The following L3MBTL3 variants were observed in gnomAD, a reference collection of about 807,000 sequenced individuals.
L3MBTL3 encodes L3MBTL histone methyl-lysine binding protein 3, also known as lethal(3)malignant brain tumor-like protein 3.
In L3MBTL3, 27 loss-of-function variants were observed where a neutral mutation model predicts 102.3. The observed-to-expected ratio is 0.26, with a 90% confidence interval of 0.19 to 0.36. The LOEUF (loss-of-function observed/expected upper bound fraction) is 0.36, where lower values mean the gene tolerates loss of function less well. L3MBTL3 is among the 10% of genes least tolerant of loss of function. L3MBTL3 has a pLI of 1.00. For missense variants in L3MBTL3, 798 were observed against 955.3 expected, an observed-to-expected ratio of 0.84 and a Z score of 2.17; for synonymous variants, 340 against 320.9, an observed-to-expected ratio of 1.06 and a Z score of -0.64.
chr6:130,034,156 A>G (rs1779900686), intron 2 of L3MBTL3, among the ~76,000 whole-genome samples: 1 of 151,918 alleles, frequency 6.6e-6, no homozygotes, highest in Non-Finnish European at 1.5e-5. Context: ...TGTTTTATCC[A>G]CTCCTGGCAG....
chr6:130,131,887 G>A (rs912449875), intron 20 of L3MBTL3, among the ~76,000 whole-genome samples: 11 of 152,164 alleles, frequency 7.2e-5, no homozygotes, highest in Non-Finnish European at 1.3e-4. Flanking sequence ...TATCAGCAAG[G>A]TCTTTATGAC....
At chr6:130,101,494 G>A (rs922465867) in intron 18 of L3MBTL3, among the ~76,000 whole-genome samples, 3 of 152,154 alleles carry the variant, frequency 2.0e-5, no homozygotes, top group African/African-American at 7.2e-5. Context: ...ATTGTGGGCA[G>A]GAATCCCACA....
chr6:130,045,697 G>T (rs1780685176), intron 3 of L3MBTL3, among the ~76,000 whole-genome samples: 1 of 152,074 alleles, frequency 6.6e-6, no homozygotes, highest in African/African-American at 2.4e-5. Flanking sequence ...ATTTAGAGGA[G>T]GTAAAAATTT....
chr6:130,122,329 TAGTC>T (rs1786281535), intron 20 of L3MBTL3, among the ~76,000 whole-genome samples: 2 of 152,220 alleles, frequency 1.3e-5, no homozygotes, highest in Admixed American at 6.5e-5. Flanking sequence ...TTAAAAGTTA[TAGTC>T]AGTGCTGTCT....
intron 20 of L3MBTL3, among the ~76,000 whole-genome samples, chr6:130,124,191 T>A (rs775463119): frequency 1.3e-5 from 2 of 152,114 alleles, no homozygotes; most frequent in African/African-American, 2.4e-5. Context: ...GGATGTTTGC[T>A]GGGAGGGGCA....
chr6:130,035,635 G>C (rs548402728), intron 2 of L3MBTL3, among the ~76,000 whole-genome samples: 2 of 152,228 alleles, frequency 1.3e-5, no homozygotes, highest in African/African-American at 2.4e-5. Flanking sequence ...GACATCCACA[G>C]TGGGCAGTGG....
chr6:130,028,314 C>A (rs1779485783), intron 2 of L3MBTL3, among the ~76,000 whole-genome samples: 1 of 152,134 alleles, frequency 6.6e-6, no homozygotes, highest in Non-Finnish European at 1.5e-5. Context: ...GGATCATTCA[C>A]ATTAAAATAT....
chr6:130,054,823 G>T (rs939263139), intron 7 of L3MBTL3, among the ~76,000 whole-genome samples: 1 of 152,162 alleles, frequency 6.6e-6, no homozygotes, highest in Non-Finnish European at 1.5e-5. Context: ...GTAGAGAAGG[G>T]AACTGGATTG....
chr6:130,059,458 T>C (rs970739180), intron 9 of L3MBTL3, among the ~76,000 whole-genome samples: 7 of 152,238 alleles, frequency 4.6e-5, no homozygotes, highest in African/African-American at 1.7e-4. Context: ...ATTTACGTTC[T>C]TCCCTATTGA....
At chr6:130,090,626 C>T in intron 16 of L3MBTL3, among the ~76,000 whole-genome samples, 1 of 152,136 alleles carries the variant, frequency 6.6e-6, no homozygotes, top group East Asian at 1.9e-4. Context: ...GACAAGGTCT[C>T]ACTCTGTCGC....
chr6:130,136,010 C>T (rs1439673652), intron 22 of L3MBTL3, among the ~76,000 whole-genome samples: 1 of 152,212 alleles, frequency 6.6e-6, no homozygotes, highest in Admixed American at 6.5e-5. Flanking sequence ...CTTGACTTCT[C>T]TCTTACACAT....
chr6:130,061,950 G>A (rs1781925254), intron 10 of L3MBTL3, among the ~76,000 whole-genome samples: 1 of 152,186 alleles, frequency 6.6e-6, no homozygotes, highest in African/African-American at 2.4e-5. Flanking sequence ...TTGTTCTCAA[G>A]GAGCATGAGG....
intron 19 of L3MBTL3, 22 bp from the exon 20 acceptor site, chr6:130,120,857 T>C (rs758247211): frequency 4.4e-6 from 7 of 1,575,776 alleles, no homozygotes; most frequent in East Asian, 2.2e-5. Flanking sequence ...TTATAAAATA[T>C]TGAAATGCCT....
intron 7 of L3MBTL3, among the ~76,000 whole-genome samples, chr6:130,054,251 A>G (rs116145973): frequency 0.017 from 2,635 of 152,262 alleles, 37 homozygotes; most frequent in Middle Eastern, 0.065. Flanking sequence ...AGGGTGGAGT[A>G]AGATGAAGTT....
At chr6:130,121,013 T>G in intron 20 of L3MBTL3, 55 bp downstream of exon 20, 2 of 1,087,514 alleles carry the variant, frequency 1.8e-6, no homozygotes, top group South Asian at 2.8e-5. Context: ...TATGAAACAA[T>G]CAAAGCCTTA....
At chr6:130,034,530 C>T (rs1779927577) in intron 2 of L3MBTL3, among the ~76,000 whole-genome samples, 1 of 152,190 alleles carries the variant, frequency 6.6e-6, no homozygotes, top group South Asian at 2.1e-4. Flanking sequence ...TTGCATTTGA[C>T]ATTTCAGTCT....
At chr6:130,034,574 C>G (rs2114604782) in intron 2 of L3MBTL3, among the ~76,000 whole-genome samples, 1 of 152,296 alleles carries the variant, frequency 6.6e-6, no homozygotes, top group South Asian at 2.1e-4. Flanking sequence ...TTGTGGCTAG[C>G]CTATCGCTTT....
chr6:130,097,086 G>A (rs897268626), intron 18 of L3MBTL3, among the ~76,000 whole-genome samples: 10 of 152,210 alleles, frequency 6.6e-5, no homozygotes, highest in African/African-American at 2.2e-4. Context: ...CTCAGTCTTC[G>A]AACTGGATTT....
At chr6:130,090,969 C>T (rs139394513) in intron 16 of L3MBTL3, among the ~76,000 whole-genome samples, 4 of 152,126 alleles carry the variant, frequency 2.6e-5, no homozygotes, top group Admixed American at 6.5e-5. Flanking sequence ...CATTTTTCAT[C>T]TTTCTGTAGG....
Sources: allele counts gnomAD v4.1 joint callset (sites outside exome capture counted in the v4.1 genomes callset), GRCh38; gene constraint gnomAD v4.1.1; transcripts MANE v1.5; gene names NCBI Gene and HGNC (gene_info 2026-07-23, HGNC 2026-07-21).